The following CALN1 variants were observed in gnomAD, a reference collection of about 807,000 sequenced individuals.
CALN1 encodes the protein calcium-binding protein 8.
In CALN1, 17 loss-of-function variants were observed where a neutral mutation model predicts 30.6. That is an observed-to-expected ratio of 0.56 (90% CI 0.38 to 0.83). CALN1 has a LOEUF of 0.83. Ranked by LOEUF, CALN1 falls within the 40% of genes least tolerant of loss-of-function variation. CALN1 has a pLI of 0.00. For synonymous variants in CALN1, 156 were observed against 131.4 expected, an observed-to-expected ratio of 1.19 and a Z score of -1.28; for missense variants, 291 against 354.9, an observed-to-expected ratio of 0.82 and a Z score of 1.45.
At chr7:72,258,460 C>A (rs1169037840) in intron 3 of CALN1, among the ~76,000 whole-genome samples, 1 of 152,160 alleles carries the variant, frequency 6.6e-6, no homozygotes, top group African/African-American at 2.4e-5. Context: ...AGAAGAACTC[C>A]ATCAATCAAT....
chr7:72,317,263 C>T (rs927721403), intron 2 of CALN1, among the ~76,000 whole-genome samples: 5 of 47,146 alleles, frequency 1.1e-4, no homozygotes, highest in African/African-American at 3.3e-4. Context: ...AAGGGGGGGA[C>T]GGAGGGAGGG....
chr7:71,822,133 G>T (rs1486891613), intron 5 of CALN1, among the ~76,000 whole-genome samples: 1 of 152,170 alleles, frequency 6.6e-6, no homozygotes. Flanking sequence ...AAGGAGGCTA[G>T]AATTGGATTC....
At position 72,329,044 on chromosome 7, in the gene CALN1, T is replaced by C. The variant is rs149968273; in HGVS notation, c.120-50234A>G. ...ACATTTTTCCGATTGTAAATGTGTG[T>C]TCATTTGCAAAACCATAAAATCATT... On this transcript the variant is annotated intron_variant, in intron 2 of 6. Coordinates refer to ENST00000395275, the MANE Select transcript of CALN1 (RefSeq NM_031468.4). Among the ~76,000 whole-genome samples the C allele has an allele frequency of 5.6e-3, 853 of 152,378 alleles. 4 individuals carry two copies. Among genetic ancestry groups the C allele is most frequent in the Admixed American group, 8.9e-3 (137 of 15,314 alleles).
At chr7:72,477,779 C>T in the CALN1 span, among the ~76,000 whole-genome samples, 1,712 of 152,160 alleles carry the variant, frequency 0.011, 17 homozygotes, top group African/African-American at 0.04. Flanking sequence ...AGGCTGGTCT[C>T]GAACTCCTAG....
chr7:72,023,805 A>G, intron 4 of CALN1, 36 bp from the exon 5 acceptor site: 2 of 1,540,698 alleles, frequency 1.3e-6, no homozygotes, highest in Non-Finnish European at 1.8e-6. Context: ...GTTGCAAACA[A>G]GCTGAACTTG....
intron 3 of CALN1, among the ~76,000 whole-genome samples, chr7:72,201,961 A>G (rs1185603867): frequency 6.6e-6 from 1 of 152,186 alleles, no homozygotes; most frequent in African/African-American, 2.4e-5. Context: ...AAAGCGGGAA[A>G]CTGACATGGA....
intron 5 of CALN1, among the ~76,000 whole-genome samples, chr7:71,948,033 G>A (rs1796496112): frequency 6.6e-6 from 1 of 152,088 alleles, no homozygotes; most frequent in East Asian, 1.9e-4. Flanking sequence ...GCATTTTTGG[G>A]GGACTGATGC....
intron 3 of CALN1, among the ~76,000 whole-genome samples, chr7:72,249,304 T>A (rs1225543454): frequency 6.6e-6 from 1 of 152,138 alleles, no homozygotes. Context: ...CACCTGCCCA[T>A]ACACAGCTCA....
intron 5 of CALN1, among the ~76,000 whole-genome samples, chr7:71,990,239 C>T (rs982037800): frequency 2.6e-5 from 4 of 152,148 alleles, no homozygotes; most frequent in African/African-American, 9.7e-5. Context: ...GCATGCTAAA[C>T]GACACTCCCA....
chr7:72,410,487 G>C (rs747232340), intron 1 of CALN1, among the ~76,000 whole-genome samples: 9 of 152,142 alleles, frequency 5.9e-5, no homozygotes, highest in Non-Finnish European at 1.2e-4. Context: ...AAACCAATTA[G>C]ATATCACGGA....
At chr7:72,028,015 C>T (rs1323263379) in intron 4 of CALN1, among the ~76,000 whole-genome samples, 7 of 139,580 alleles carry the variant, frequency 5.0e-5, no homozygotes, top group African/African-American at 1.3e-4. Flanking sequence ...GCCGAGATCG[C>T]GCCACTGCAC....
intron 3 of CALN1, among the ~76,000 whole-genome samples, chr7:72,241,561 C>A (rs1027711041): frequency 6.6e-6 from 1 of 152,046 alleles, no homozygotes; most frequent in Non-Finnish European, 1.5e-5. Flanking sequence ...ACAAAATTAG[C>A]CAGGCGTGGT....
intron 5 of CALN1, among the ~76,000 whole-genome samples, chr7:71,890,310 A>G (rs721235): frequency 0.11 from 17,384 of 152,094 alleles, 1,440 homozygotes; most frequent in East Asian, 0.43. Context: ...CGGGCACATC[A>G]GCCATGACAA....
intron 3 of CALN1, among the ~76,000 whole-genome samples, chr7:72,136,207 G>C (rs1809502733): frequency 6.6e-6 from 1 of 151,488 alleles, no homozygotes; most frequent in African/African-American, 2.4e-5. Flanking sequence ...ATCTGTTGTT[G>C]AGTGTAGCCA....
intron 2 of CALN1, among the ~76,000 whole-genome samples, chr7:72,338,525 G>GTGTCTGTCTGTCTGTCTTTC (rs1554378747): frequency 8.2e-6 from 1 of 122,292 alleles, no homozygotes; most frequent in African/African-American, 3.1e-5. Context: ...GTGTGTGTGT[G>GTGTCTGTCTGTCTGTCTTTC]TGTCTCACCT....
At chr7:72,438,932 C>A (rs529417767) in intron 1 of CALN1, among the ~76,000 whole-genome samples, 1 of 152,362 alleles carries the variant, frequency 6.6e-6, no homozygotes, top group African/African-American at 2.4e-5. Flanking sequence ...AACTTTTCAA[C>A]ATTCCTTAAA....
At chr7:72,453,779 C>G in the CALN1 span, among the ~76,000 whole-genome samples, 1 of 152,218 alleles carries the variant, frequency 6.6e-6, no homozygotes, top group African/African-American at 2.4e-5. Flanking sequence ...ATCTGAACAG[C>G]TGGGCACAGA....
the CALN1 span, among the ~76,000 whole-genome samples, chr7:72,496,526 T>A: frequency 6.6e-6 from 1 of 152,214 alleles, no homozygotes; most frequent in East Asian, 1.9e-4. Flanking sequence ...AGATTCAAGT[T>A]TAACCAGCTT....
Position 72,028,074 on chromosome 7 carries a change from A to T in CALN1, c.389-4305T>A, listed in dbSNP as rs910066453. Among the ~76,000 whole-genome samples, 42 of 135,936 alleles carry T rather than the reference A, an allele frequency of 3.1e-4. No individual in the cohort carries two copies. In the East Asian group the frequency reaches 4.7e-3, roughly 15 times the overall value. The allele number at this position is 135,936 out of a possible 152,430, so 89.2% of individuals were successfully genotyped here. ...ACTCCGTCTCAAAAAAAAAAAAAAA[A>T]AAAAAAAAAAACACATGAGACCTGA... On this transcript the variant is annotated intron_variant, in intron 4 of 6. Transcript: ENST00000395275.
Sources: allele counts gnomAD v4.1 joint callset (sites outside exome capture counted in the v4.1 genomes callset), GRCh38; gene constraint gnomAD v4.1.1; transcripts MANE v1.5; gene names NCBI Gene and HGNC (gene_info 2026-07-23, HGNC 2026-07-21).